PCDHGA9: variants seen among roughly 807,000 people sequenced by gnomAD.
The protein encoded by PCDHGA9 is protocadherin gamma subfamily A, 9.
In PCDHGA9, 37 loss-of-function variants were observed where a neutral mutation model predicts 62.5. The observed-to-expected ratio is 0.59, with a 90% CI of 0.46 to 0.78. PCDHGA9 has a LOEUF of 0.78. Ranked by LOEUF, PCDHGA9 falls within the 30% of genes least tolerant of loss-of-function variation. The pLI is 0.00. For missense variants in PCDHGA9, 1,138 were observed against 1,166.2 expected (o/e 0.98, Z 0.35); for synonymous variants, 459 against 484.6 (o/e 0.95, Z 0.69).
Position 141,505,383 on chromosome 5 carries a change from C to T in PCDHGA9, c.2484-10C>T, listed in dbSNP as rs369765886. On this transcript the variant is annotated splice_polypyrimidine_tract_variant and intron_variant, in intron 2 of 3. Coordinates refer to ENST00000573521, the MANE Select transcript of PCDHGA9 (RefSeq NM_018921.3). Reference sequence around the variant, plus strand: ...GGGAGTCTGTGCTCACCATCCTACTCTCTCCCCAGCTCCCAAAATGGCGAT... The same window carrying T: ...GGGAGTCTGTGCTCACCATCCTACTTTCTCCCCAGCTCCCAAAATGGCGAT... The T allele has an allele frequency of 1.2e-6, 2 of 1,613,944 alleles. No individual in the cohort carries two copies. Among genetic ancestry groups the T allele is most frequent in the African/African-American group, 2.7e-5 (2 of 74,914 alleles).
At position 141,418,056 on chromosome 5, in the gene PCDHGA9, T is replaced by G. The variant is rs199996434; in HGVS notation, c.2424+12680T>G. ...GTCCTGGATGTGTCGGCTCGCGAGC[T>G]GCGAGTGAGCGCGGAGAAGCTGCAC... is the stretch of plus-strand genomic sequence containing the variant. On this transcript the variant is annotated intron_variant, in intron 1 of 3. Coordinates refer to ENST00000573521, the MANE Select transcript of PCDHGA9 (RefSeq NM_018921.3). 5.0e-5 allele frequency: 80 copies of G among 1,613,976 alleles called. No individual in the cohort carries two copies. The African/African-American group carries it at 7.5e-4, about 15-fold the overall frequency.
chr5:141,478,521 G>A, intron 1 of PCDHGA9: 1 of 1,610,618 alleles, frequency 6.2e-7, no homozygotes, highest in Non-Finnish European at 8.5e-7. Context: ...CAGGTGTTGG[G>A]TGCAGAGAGC....
At chr5:141,488,189 T>G (rs574621860) in intron 1 of PCDHGA9, among the ~76,000 whole-genome samples, 2 of 152,316 alleles carry the variant, frequency 1.3e-5, no homozygotes, top group Non-Finnish European at 2.9e-5. Context: ...TCTTTTGGTC[T>G]GGGTCTTAGG....
chr5:141,495,470 C>A (rs2099761615), intron 2 of PCDHGA9, among the ~76,000 whole-genome samples: 1 of 152,196 alleles, frequency 6.6e-6, no homozygotes, highest in African/African-American at 2.4e-5. Flanking sequence ...GTGGGGTCTC[C>A]GTGTCTCTGC....
rs1426255577 is a variant in PCDHGA9, at chr5:141,512,797, TG to T, written c.*1625del. 6.6e-6 allele frequency: 1 copy of T among 152,300 alleles called. No homozygotes were observed. Among genetic ancestry groups the T allele is most frequent in the African/African-American group, 2.4e-5 (1 of 41,444 alleles). The allele number at this position is 152,300 out of a possible 1,614,324, so 9.4% of individuals were successfully genotyped here. On this transcript the variant is annotated 3_prime_UTR_variant, in exon 4 of 4. Transcript: ENST00000573521. ...GCGGCCCGTGTTGTGTTTTGTGCTGTGTCCACGCGCTAAGGCGACCCCCTCC... is the reference window on the plus strand; with the variant it reads ...GCGGCCCGTGTTGTGTTTTGTGCTGTTCCACGCGCTAAGGCGACCCCCTCC...
intron 1 of PCDHGA9, among the ~76,000 whole-genome samples, chr5:141,436,538 A>G (rs1353206648): frequency 6.6e-6 from 1 of 152,194 alleles, no homozygotes; most frequent in Admixed American, 6.5e-5. Context: ...CAAGTTATTT[A>G]ATCTCTTTGA....
rs1466446291 is a variant in PCDHGA9, at chr5:141,404,759, T to G, written c.1807T>G (p.Trp603Gly). The change falls in exon 1 of 4, where the codon TGG becomes GGG. Residue 603 changes from tryptophan (W) to glycine (G), a missense_variant. Transcript: ENST00000573521. ...AVDRDSGQNAWLSYRLFKASE... is the reference protein window; with the variant it reads ...AVDRDSGQNAGLSYRLFKASE... ...GGACAGAGACTCAGGCCAGAATGCT[T>G]GGCTCTCCTACCGCCTATTCAAGGC... 6.2e-7 allele frequency: 1 copy of G among 1,613,632 alleles called. No individual in the cohort carries two copies. The highest frequency in any genetic ancestry group is 1.7e-5 in the Admixed American group (1 of 59,950).
chr5:141,497,804 T>G (rs1196976996), intron 2 of PCDHGA9, among the ~76,000 whole-genome samples: 1 of 152,186 alleles, frequency 6.6e-6, no homozygotes, highest in Non-Finnish European at 1.5e-5. Context: ...CTTCCCAAAG[T>G]GCTAGAATTA....
At position 141,432,640 on chromosome 5, in the gene PCDHGA9, C is replaced by T. The variant is rs2097523683; in HGVS notation, c.2424+27264C>T. On this transcript the variant is annotated intron_variant, in intron 1 of 3. Transcript: ENST00000573521. This position sits in a 1 kb window ranked among gnomAD's most constrained non-coding sequence, Gnocchi z 6.0. ...TGGGTCTGCACACGGGCGAGGTGCG[C>T]ACGGCGCGAGCCCTGCTGGACAGAG... 1.9e-6 allele frequency: 3 copies of T among 1,613,814 alleles called. No individual in the cohort carries two copies. The highest frequency in any genetic ancestry group is 2.5e-6 in the Non-Finnish European group (3 of 1,179,932).
Position 141,485,814 on chromosome 5 carries a change from C to T in PCDHGA9, c.2425-8993C>T, listed in dbSNP as rs2099619616. 7.4e-6 allele frequency: 12 copies of T among 1,613,982 alleles called. No individual in the cohort carries two copies. The East Asian group carries it at 2.2e-4, about 30-fold the overall frequency. On this transcript the variant is annotated intron_variant, in intron 1 of 3. Coordinates refer to ENST00000573521, the MANE Select transcript of PCDHGA9 (RefSeq NM_018921.3). This position sits in a 1 kb window ranked among gnomAD's most constrained non-coding sequence, Gnocchi z 5.7. ...TCGGACTACCGCCTGGTGCTGACTG[C>T]TGTCGATGGAGGGAACCCGCCGAGA...
rs1028782991 is a variant in PCDHGA9, at chr5:141,503,926, C to T, written c.2484-1467C>T. 2.6e-5 allele frequency among the ~76,000 whole-genome samples: 4 copies of T among 152,196 alleles called. No individual in the cohort carries two copies. The East Asian group carries it at 7.7e-4, about 29-fold the overall frequency. ...ACACACAACGCAACACACACACAGA[C>T]ATTTTCATGCCTTCAAGGCCTACCC... On this transcript the variant is annotated intron_variant, in intron 2 of 3. Coordinates refer to ENST00000573521, the MANE Select transcript of PCDHGA9 (RefSeq NM_018921.3).
intron 1 of PCDHGA9, chr5:141,423,975 A>T: frequency 8.9e-7 from 1 of 1,126,024 alleles, no homozygotes; most frequent in Non-Finnish European, 1.1e-6. Flanking sequence ...TTATCAGTGT[A>T]TGAGGCTCTC....
Position 141,487,278 on chromosome 5 carries a change from T to G in PCDHGA9, c.2425-7529T>G. 6 of 1,614,180 alleles carry G rather than the reference T, an allele frequency of 3.7e-6. No individual in the cohort carries two copies. Among genetic ancestry groups the G allele is most frequent in the Non-Finnish European group, 5.1e-6 (6 of 1,180,040 alleles). On this transcript the variant is annotated intron_variant, in intron 1 of 3. Coordinates refer to ENST00000573521, the MANE Select transcript of PCDHGA9 (RefSeq NM_018921.3). The surrounding 1 kb of genome is among the most constrained non-coding windows in gnomAD (Gnocchi z 5.0). Reference sequence around the variant, plus strand: ...GCTGTGTCCCTAGTGGCAATTTGCTTTGTCTCCTTTGGCTCATTCGTGGCA... The same window carrying G: ...GCTGTGTCCCTAGTGGCAATTTGCTGTGTCTCCTTTGGCTCATTCGTGGCA...
At chr5:141,470,059 G>A (rs1206799372) in intron 1 of PCDHGA9, among the ~76,000 whole-genome samples, 6 of 152,186 alleles carry the variant, frequency 3.9e-5, no homozygotes, top group African/African-American at 1.4e-4. Context: ...AACCCCGGAG[G>A]CAGAGACTGT....
intron 1 of PCDHGA9, among the ~76,000 whole-genome samples, chr5:141,481,293 TC>T (rs2099535148): frequency 6.6e-6 from 1 of 152,174 alleles, no homozygotes; most frequent in South Asian, 2.1e-4. Context: ...ATTTCAGTCA[TC>T]TAAGGGAAAA....
rs115808055 is a variant in PCDHGA9 at position 141,476,782 on chromosome 5, A to G, written c.2425-18025A>G. Reference sequence around the variant, plus strand: ...TGACGGCGTTGGACGGAGGGACCCCAGCTCTCTCCGCCAGCCTGCCTATTC... The same window carrying G: ...TGACGGCGTTGGACGGAGGGACCCCGGCTCTCTCCGCCAGCCTGCCTATTC... On this transcript the variant is annotated intron_variant, in intron 1 of 3. Transcript: ENST00000573521. This position sits in a 1 kb window ranked among gnomAD's most constrained non-coding sequence, Gnocchi z 7.6. 18,517 of 1,613,566 alleles carry G rather than the reference A, an allele frequency of 0.011. 139 individuals are homozygous for G. Among genetic ancestry groups the G allele is most frequent in the Non-Finnish European group, 0.014 (16,976 of 1,179,996 alleles).
intron 1 of PCDHGA9, chr5:141,417,186 C>A (rs2154546857): frequency 6.6e-6 from 1 of 152,258 alleles, no homozygotes; most frequent in Admixed American, 6.5e-5. Context: ...GGAATTATTA[C>A]TTTCTGGGTG....
At chr5:141,502,234 C>T (rs1482411915) in intron 2 of PCDHGA9, among the ~76,000 whole-genome samples, 1 of 152,108 alleles carries the variant, frequency 6.6e-6, no homozygotes, top group Non-Finnish European at 1.5e-5. Flanking sequence ...TCTGTGTGTT[C>T]TTTTATCCTT....
At chr5:141,413,390 C>T (rs1373497766) in intron 1 of PCDHGA9, 1 of 1,614,010 alleles carries the variant, frequency 6.2e-7, no homozygotes, top group African/African-American at 1.3e-5. Context: ...CGCATAGTCT[C>T]CAGAGGTAGG....
Sources: gnomAD v4.1 joint callset for allele counts (sites outside exome capture counted in the v4.1 genomes callset) on GRCh38, gnomAD v4.1.1 for gene constraint, Gnocchi (gnomAD v3.1) non-coding constraint, MANE v1.5 for transcripts, NCBI Gene and HGNC (gene_info 2026-07-23, HGNC 2026-07-21) for gene names.